CDC16: variants seen among roughly 807,000 people sequenced by gnomAD.
The protein encoded by CDC16 is cell division cycle protein 16 homolog.
CDC16 carries 34 observed loss-of-function variants against 87.0 expected under a neutral mutation model. The ratio of observed to expected loss-of-function variants is 0.39; its 90% CI spans 0.30 to 0.52. The LOEUF (loss-of-function observed/expected upper bound fraction) is 0.52. Ranked by LOEUF, CDC16 falls within the 20% of genes least tolerant of loss-of-function variation. The pLI, the probability that CDC16 is intolerant of heterozygous loss-of-function variation, is 0.74. For synonymous variants in CDC16, 263 were observed against 260.6 expected (o/e 1.01, Z -0.09); for missense variants, 653 against 751.9 (o/e 0.87, Z 1.54).
chr13:114,254,639 G>A (rs1190839004), intron 12 of CDC16, among the ~76,000 whole-genome samples: 3 of 152,088 alleles, frequency 2.0e-5, no homozygotes, highest in Admixed American at 1.3e-4. Context: ...TTAAAAACAA[G>A]CACATTTTAT....
chr13:114,272,337 C>T lies in CDC16; in HGVS notation c.1757C>T (p.Ser586Leu), dbSNP rs200824579. Residue 586 changes from serine (S) to leucine (L), a missense_variant, in exon 18 of 18, where the codon TCA becomes TTA. Coordinates refer to ENST00000356221, the MANE Select transcript of CDC16 (RefSeq NM_001078645.3). ...EETGLTPLET[S>L]RKTPDSRPSL... Reference sequence around the variant, plus strand: ...ACGGGGCTTACGCCATTGGAAACCTCAAGGAAAACTCCAGATTCCAGACCT... The same window carrying T: ...ACGGGGCTTACGCCATTGGAAACCTTAAGGAAAACTCCAGATTCCAGACCT... 3.8e-5 allele frequency: 61 copies of T among 1,614,182 alleles called. No homozygotes were observed. In the Middle Eastern group the frequency reaches 6.6e-4, roughly 17 times the overall value.
At chr13:114,244,728 G>A (rs2081752909) in intron 8 of CDC16, 162 bp from the exon 9 acceptor site, 1 of 436,354 alleles carries the variant, frequency 2.3e-6, no homozygotes, top group East Asian at 3.3e-5. Context: ...CTTAATTATG[G>A]CCTTAACTGA....
Position 114,236,861 on chromosome 13 carries a change from G to C in CDC16, c.166G>C (p.Ala56Pro). The C allele has an allele frequency of 6.2e-7, 1 of 1,604,118 alleles. No individual in the cohort carries two copies. The highest frequency in any genetic ancestry group is 8.5e-7 in the Non-Finnish European group (1 of 1,177,184). ...TTACCTGACAGCACAATATCACAGAGCCGCCCATGCACTTCGGTCACGAAA... is the reference window on the plus strand; with the variant it reads ...TTACCTGACAGCACAATATCACAGACCCGCCCATGCACTTCGGTCACGAAA... Reference protein sequence around the residue: ...CLYLTAQYHRAAHALRSRKLD... With the variant: ...CLYLTAQYHRPAHALRSRKLD... The change falls in exon 3 of 18, where the codon GCC becomes CCC. Residue 56 changes from alanine to proline, a missense_variant. Transcript: ENST00000356221.
chr13:114,250,491 C>T, intron 11 of CDC16, 58 bp from the exon 12 acceptor site: 2 of 1,248,170 alleles, frequency 1.6e-6, no homozygotes, highest in South Asian at 3.0e-5. Context: ...GACTTTGTCT[C>T]AAAAAAAAAA....
intron 12 of CDC16, among the ~76,000 whole-genome samples, chr13:114,252,806 C>G (rs2082269047): frequency 6.6e-6 from 1 of 152,138 alleles, no homozygotes. Context: ...ACAATACCTT[C>G]AGTGTTTCCA....
chr13:114,241,146 C>T (rs527247932), intron 5 of CDC16, among the ~76,000 whole-genome samples: 4 of 152,252 alleles, frequency 2.6e-5, no homozygotes, highest in East Asian at 1.9e-4. Flanking sequence ...TTATGGTAGT[C>T]GTGAGATGGC....
At chr13:114,243,143 C>A in intron 6 of CDC16, 114 bp from the exon 7 acceptor site, 1 of 619,132 alleles carries the variant, frequency 1.6e-6, no homozygotes, top group African/African-American at 1.8e-5. Context: ...CTTATGTTCT[C>A]TTTTGAGTTT....
At position 114,234,942 on chromosome 13, in the gene CDC16, G is replaced by A. The variant is rs1410584564; in HGVS notation, c.-143G>A. The A allele has an allele frequency of 2.9e-5, 14 of 484,916 alleles. No homozygotes were observed. The highest frequency in any genetic ancestry group is 4.5e-5 in the Non-Finnish European group (14 of 307,822). The allele number at this position is 484,916 out of a possible 1,614,324, so 30.0% of individuals were successfully genotyped here. ...GGGGTGCGGGTGTGGGTGGGGACCT[G>A]CGGCCTTCGAGTCCGCGGCCTTCGA... On this transcript the variant is annotated 5_prime_UTR_variant, in exon 1 of 18. Transcript: ENST00000356221.
chr13:114,251,132 C>A (rs183972847), intron 12 of CDC16, among the ~76,000 whole-genome samples: 1 of 152,084 alleles, frequency 6.6e-6, no homozygotes, highest in Non-Finnish European at 1.5e-5. Context: ...TATTGCTGTT[C>A]ACATTGACTG....
At chr13:114,269,609 A>C (rs2083471434) in intron 17 of CDC16, among the ~76,000 whole-genome samples, 1 of 152,234 alleles carries the variant, frequency 6.6e-6, no homozygotes, top group Non-Finnish European at 1.5e-5. Flanking sequence ...GAGAGAGGAG[A>C]AATAAATTGT....
Position 114,242,172 on chromosome 13 carries a change from A to G in CDC16, c.433A>G (p.Asn145Asp). Reference sequence around the variant, plus strand: ...CGGGAAAATCTATGATGCTCTAGATAACCGAACCCTGGCTACCTACAGCTA... The same window carrying G: ...CGGGAAAATCTATGATGCTCTAGATGACCGAACCCTGGCTACCTACAGCTA... ...LRGKIYDALD[N>D]RTLATYSYKE... The change falls in exon 6 of 18, where the codon AAC (asparagine) becomes GAC (aspartate). Residue 145 changes from asparagine to aspartate, a missense_variant. Physicochemically the swap from Asn to Asp is conservative, Grantham distance 23. Transcript: ENST00000356221. The G allele has an allele frequency of 6.2e-7, 1 of 1,613,976 alleles. No individual in the cohort carries two copies. Among genetic ancestry groups the G allele is most frequent in the Non-Finnish European group, 8.5e-7 (1 of 1,179,968 alleles).
intron 8 of CDC16, 81 bp downstream of exon 8, chr13:114,244,070 A>T: frequency 1.1e-6 from 1 of 949,670 alleles, no homozygotes; most frequent in African/African-American, 1.6e-5. Flanking sequence ...GTGCTCTCTG[A>T]ATAATCTTGA....
intron 11 of CDC16, 51 bp from the exon 12 acceptor site, chr13:114,250,498 A>G (rs761646584): frequency 7.8e-6 from 12 of 1,536,412 alleles, no homozygotes; most frequent in Admixed American, 2.0e-5. Context: ...TCTCAAAAAA[A>G]AAAAAAAAAG....
chr13:114,268,886 G>T (rs2083419838), intron 17 of CDC16, among the ~76,000 whole-genome samples: 2 of 152,220 alleles, frequency 1.3e-5, no homozygotes, highest in African/African-American at 4.8e-5. Context: ...TGAAAGTACA[G>T]GATGTGGTGT....
At chr13:114,258,941 T>A (rs1275984430) in intron 13 of CDC16, among the ~76,000 whole-genome samples, 1 of 151,878 alleles carries the variant, frequency 6.6e-6, no homozygotes, top group East Asian at 1.9e-4. Context: ...CTACTAAAAA[T>A]ACAGAAATTA....
At chr13:114,263,930 A>G (rs2084083215) in intron 16 of CDC16, among the ~76,000 whole-genome samples, 1 of 152,224 alleles carries the variant, frequency 6.6e-6, no homozygotes, top group Admixed American at 6.5e-5. Flanking sequence ...GGATGGCAAT[A>G]ATAGGAAACC....
intron 11 of CDC16, among the ~76,000 whole-genome samples, chr13:114,250,048 C>T (rs1033412335): frequency 3.3e-5 from 5 of 152,158 alleles, no homozygotes; most frequent in African/African-American, 1.2e-4. Flanking sequence ...ACTAGCTGGG[C>T]ACAGTGGCTC....
intron 12 of CDC16, among the ~76,000 whole-genome samples, chr13:114,256,807 C>T (rs1429684293): frequency 6.6e-6 from 1 of 151,932 alleles, no homozygotes; most frequent in East Asian, 1.9e-4. Flanking sequence ...AGAGACCTGC[C>T]CTTTTGCTTT....
intron 17 of CDC16, among the ~76,000 whole-genome samples, chr13:114,271,866 A>G (rs2083699918): frequency 3.3e-5 from 5 of 152,292 alleles, no homozygotes; most frequent in Non-Finnish European, 5.9e-5. Context: ...GAAATGGGCA[A>G]CTGTTGAAAC....
Sources: allele counts gnomAD v4.1 joint callset (sites outside exome capture counted in the v4.1 genomes callset), GRCh38; gene constraint gnomAD v4.1.1; transcripts MANE v1.5; gene names NCBI Gene and HGNC (gene_info 2026-07-23, HGNC 2026-07-21).